The following MAGI2 variants were observed in gnomAD, a reference collection of about 807,000 sequenced individuals.
The protein encoded by MAGI2 is membrane associated guanylate kinase, WW and PDZ domain containing 2, also known as membrane-associated guanylate kinase, WW and PDZ domain-containing protein 2.
MAGI2 carries 35 observed loss-of-function variants against 133.3 expected under a neutral mutation model. The ratio of observed to expected loss-of-function variants is 0.26; its 90% CI spans 0.20 to 0.35. MAGI2 has a LOEUF of 0.35. MAGI2 is among the 10% of genes least tolerant of loss of function. The pLI, the probability that MAGI2 is intolerant of heterozygous loss-of-function variation, is 1.00. For missense variants in MAGI2, 1,636 were observed against 1,863.4 expected (o/e 0.88, Z 2.25); for synonymous variants, 729 against 710.6 (o/e 1.03, Z -0.41).
intron 21 of MAGI2, among the ~76,000 whole-genome samples, chr7:78,049,432 T>G (rs1811783960): frequency 6.6e-6 from 1 of 152,226 alleles, no homozygotes; most frequent in Non-Finnish European, 1.5e-5. Flanking sequence ...TACTTAGTGC[T>G]CCTACCTTGG....
intron 1 of MAGI2, among the ~76,000 whole-genome samples, chr7:79,065,604 C>G (rs1402532599): frequency 6.6e-6 from 1 of 152,032 alleles, no homozygotes. Context: ...GGTACATGTG[C>G]AGAATGTGCA....
At chr7:78,495,551 T>C (rs975527830) in intron 5 of MAGI2, among the ~76,000 whole-genome samples, 9 of 152,164 alleles carry the variant, frequency 5.9e-5, no homozygotes, top group East Asian at 1.9e-4. Context: ...ATATATCTAA[T>C]TGGTGATAAA....
intron 21 of MAGI2, 72 bp from the exon 22 acceptor site, chr7:78,020,048 CAG>C (rs1808205107): frequency 7.4e-7 from 1 of 1,342,666 alleles, no homozygotes; most frequent in South Asian, 1.4e-5. Context: ...ACGCCGGGGA[CAG>C]GGGCAGGCAG....
At chr7:78,127,842 C>T (rs1339955349) in intron 18 of MAGI2, among the ~76,000 whole-genome samples, 2 of 152,184 alleles carry the variant, frequency 1.3e-5, no homozygotes, top group African/African-American at 4.8e-5. Context: ...ACACACACCC[C>T]TTGGCAGATC....
intron 1 of MAGI2, among the ~76,000 whole-genome samples, chr7:79,366,490 T>C (rs1842716845): frequency 6.6e-6 from 1 of 152,038 alleles, no homozygotes; most frequent in African/African-American, 2.4e-5. Context: ...CTGTGATGAA[T>C]ATGAAAACCT....
At chr7:78,791,144 G>A in intron 2 of MAGI2, among the ~76,000 whole-genome samples, 1 of 152,090 alleles carries the variant, frequency 6.6e-6, no homozygotes, top group East Asian at 1.9e-4. Context: ...CTGGAGAGGA[G>A]TCCTCCGTAA....
intron 2 of MAGI2, among the ~76,000 whole-genome samples, chr7:78,964,167 AC>A (rs1803107896): frequency 1.3e-5 from 2 of 151,428 alleles, no homozygotes; most frequent in Admixed American, 6.6e-5. Context: ...TTTTTTCTGT[AC>A]TGTAATAATA....
chr7:79,213,506 C>T (rs1829694203), intron 1 of MAGI2, among the ~76,000 whole-genome samples: 1 of 152,048 alleles, frequency 6.6e-6, no homozygotes, highest in Non-Finnish European at 1.5e-5. Context: ...TGCTTTATTG[C>T]TGAGGATACA....
intron 1 of MAGI2, among the ~76,000 whole-genome samples, chr7:79,049,551 T>A (rs1224134581): frequency 6.6e-6 from 1 of 152,180 alleles, no homozygotes; most frequent in Non-Finnish European, 1.5e-5. Flanking sequence ...AATCCAGCTT[T>A]GATGTTTGCC....
chr7:78,332,034 A>T (rs1471143448), intron 9 of MAGI2, among the ~76,000 whole-genome samples: 1 of 152,248 alleles, frequency 6.6e-6, no homozygotes, highest in Admixed American at 6.5e-5. Flanking sequence ...AATGTGAAGT[A>T]GCACACTTCG....
chr7:78,957,650 A>G (rs1239293107), intron 2 of MAGI2, among the ~76,000 whole-genome samples: 1 of 152,148 alleles, frequency 6.6e-6, no homozygotes, highest in East Asian at 1.9e-4. Context: ...GCTATAAGAT[A>G]AATTCAGTTA....
intron 1 of MAGI2, among the ~76,000 whole-genome samples, chr7:79,053,923 G>T (rs1812905136): frequency 6.6e-6 from 1 of 152,140 alleles, no homozygotes; most frequent in African/African-American, 2.4e-5. Context: ...TTGGCTGGGA[G>T]CGGTGACTCA....
At chr7:78,098,787 T>G (rs1042068398) in intron 20 of MAGI2, among the ~76,000 whole-genome samples, 1 of 152,184 alleles carries the variant, frequency 6.6e-6, no homozygotes, top group African/African-American at 2.4e-5. Context: ...GACTTTAAAC[T>G]TTTGCCAATT....
At chr7:79,112,275 T>C (rs1481569646) in intron 1 of MAGI2, among the ~76,000 whole-genome samples, 18 of 152,144 alleles carry the variant, frequency 1.2e-4, no homozygotes, top group Non-Finnish European at 2.9e-5. Context: ...CTGGTTTCAT[T>C]TTGGGGCAAG....
intron 21 of MAGI2, among the ~76,000 whole-genome samples, chr7:78,055,982 C>T (rs575679172): frequency 6.6e-6 from 1 of 152,184 alleles, no homozygotes; most frequent in South Asian, 2.1e-4. Flanking sequence ...CCATCTTAAC[C>T]ATTTGTAAGT....
At chr7:78,847,134 T>C (rs1486673214) in intron 2 of MAGI2, among the ~76,000 whole-genome samples, 3 of 152,060 alleles carry the variant, frequency 2.0e-5, no homozygotes, top group African/African-American at 7.2e-5. Flanking sequence ...ATTATCTGCG[T>C]TGAAAAGAAG....
intron 3 of MAGI2, among the ~76,000 whole-genome samples, chr7:78,558,455 AAAG>A: frequency 6.6e-6 from 1 of 152,324 alleles, no homozygotes; most frequent in Non-Finnish European, 1.5e-5. Context: ...AATTTCCAAA[AAAG>A]AAGAATGAAA....
intron 9 of MAGI2, among the ~76,000 whole-genome samples, chr7:78,287,734 C>T (rs1796288700): frequency 6.6e-6 from 1 of 152,076 alleles, no homozygotes; most frequent in Admixed American, 6.6e-5. Flanking sequence ...ATATTTTAGG[C>T]TAGAATAGTA....
chr7:78,582,542 C>T (rs1802944736), intron 3 of MAGI2, among the ~76,000 whole-genome samples: 1 of 152,152 alleles, frequency 6.6e-6, no homozygotes, highest in South Asian at 2.1e-4. Context: ...CCCTGACAGC[C>T]AAAGGGAGAC....
Sources: allele counts gnomAD v4.1 joint callset (sites outside exome capture counted in the v4.1 genomes callset), GRCh38; gene constraint gnomAD v4.1.1; transcripts MANE v1.5; gene names NCBI Gene and HGNC (gene_info 2026-07-23, HGNC 2026-07-21).